MGAT4C: variants seen among roughly 807,000 people sequenced by gnomAD.
MGAT4C encodes the protein alpha-1,3-mannosyl-glycoprotein 4-beta-N-acetylglucosaminyltransferase C.
A neutral mutation model predicts 40.1 loss-of-function variants in MGAT4C; 19 were observed. The ratio of observed to expected loss-of-function variants is 0.47; its 90% CI spans 0.33 to 0.70. The LOEUF (loss-of-function observed/expected upper bound fraction) is 0.70, where lower values mean the gene tolerates loss of function less well. Ranked by LOEUF, MGAT4C falls within the 30% of genes least tolerant of loss-of-function variation. The probability of loss-of-function intolerance (pLI) is 0.02; values close to 1 mark genes in which losing one functional copy is unlikely to be tolerated. For synonymous variants in MGAT4C, 181 were observed against 187.1 expected (o/e 0.97, Z 0.27); for missense variants, 491 against 563.2 (o/e 0.87, Z 1.30).
At chr12:86,233,654 T>C (rs377678987) in intron 1 of MGAT4C, among the ~76,000 whole-genome samples, 43 of 152,306 alleles carry the variant, frequency 2.8e-4, no homozygotes, top group African/African-American at 1.0e-3. Flanking sequence ...ACTTATGGTT[T>C]TTTTTCTTTT....
chr12:86,595,292 C>A (rs545809546), intron 2 of MGAT4C, among the ~76,000 whole-genome samples: 1 of 151,970 alleles, frequency 6.6e-6, no homozygotes, highest in East Asian at 1.9e-4. Flanking sequence ...GCCTGTAATC[C>A]CAGCACTTTG....
At chr12:86,005,851 A>C (rs2136793478) in intron 2 of MGAT4C, among the ~76,000 whole-genome samples, 1 of 152,312 alleles carries the variant, frequency 6.6e-6, no homozygotes, top group South Asian at 2.1e-4. Flanking sequence ...TTTGTCTTTT[A>C]AAAGAGAATA....
chr12:86,716,379 T>C (rs1435514961), intron 2 of MGAT4C, among the ~76,000 whole-genome samples: 3 of 152,144 alleles, frequency 2.0e-5, no homozygotes, highest in Admixed American at 6.6e-5. Flanking sequence ...CCTAATATTA[T>C]CTTTTTTTAT....
chr12:86,720,819 A>T (rs758860923), intron 2 of MGAT4C, among the ~76,000 whole-genome samples: 27 of 152,354 alleles, frequency 1.8e-4, no homozygotes, highest in Admixed American at 4.6e-4. Flanking sequence ...GGCATTGTTT[A>T]TAGAAATTCA....
intron 1 of MGAT4C, among the ~76,000 whole-genome samples, chr12:86,750,290 T>A (rs979257819): frequency 3.9e-5 from 6 of 151,900 alleles, no homozygotes. Context: ...GAAAAGTCCC[T>A]ACATAGATGA....
In MGAT4C at chr12:86,309,231, T is replaced by A. The variant is rs952831933; in HGVS notation, c.-57+24834A>T. Among the ~76,000 whole-genome samples, 10 of 141,280 alleles carry A rather than the reference T, an allele frequency of 7.1e-5. 1 individual carries two copies. Among genetic ancestry groups the A allele is most frequent in the Non-Finnish European group, 1.5e-4 (10 of 67,708 alleles). 92.7% of individuals were successfully genotyped at this position (141,280 alleles called of 152,430 possible). On this transcript the variant is annotated intron_variant, in intron 4 of 7. Coordinates refer to the MGAT4C transcript ENST00000548651. ...TGTTGTGGATCTTCTGATAAATGCA[T>A]AATTGAGCAAAAACCTGGACGCAAG...
At position 86,461,236 on chromosome 12, in the gene MGAT4C, CTTTTTTTTT is replaced by C. The variant is rs1182920834; in HGVS notation, c.-228-25980_-228-25972del. Among the ~76,000 whole-genome samples the C allele has an allele frequency of 9.6e-3, 1,274 of 132,660 alleles. 24 individuals are homozygous for C. The highest frequency in any genetic ancestry group is 0.033 in the African/African-American group (1,227 of 36,718). The allele number at this position is 132,660 out of a possible 152,430, so 87.0% of individuals were successfully genotyped here. On this transcript the variant is annotated intron_variant, in intron 2 of 7. Coordinates refer to the MGAT4C transcript ENST00000548651. ...ATTTTTAACAAAATTTACACATCTT[CTTTTTTTTT>C]TTTTTTTTTTTGAGACGGAGTCTCG...
At chr12:86,550,093 A>G (rs112309383) in intron 2 of MGAT4C, among the ~76,000 whole-genome samples, 2,057 of 152,226 alleles carry the variant, frequency 0.014, 16 homozygotes, top group African/African-American at 0.02. Context: ...ATGGTTTTAT[A>G]TGGGGCTTTT....
chr12:86,580,897 C>T (rs1399639862), intron 2 of MGAT4C, among the ~76,000 whole-genome samples: 9 of 151,402 alleles, frequency 5.9e-5, no homozygotes, highest in Non-Finnish European at 1.3e-4. Flanking sequence ...AACAGATGTA[C>T]ATCAGGTCTG....
At chr12:86,541,559 T>C (rs1959167784) in intron 2 of MGAT4C, among the ~76,000 whole-genome samples, 1 of 152,134 alleles carries the variant, frequency 6.6e-6, no homozygotes, top group Non-Finnish European at 1.5e-5. Context: ...AATGGCAAAT[T>C]AAAATGCATT....
intron 2 of MGAT4C, among the ~76,000 whole-genome samples, chr12:86,693,514 T>G (rs545384453): frequency 1.3e-5 from 2 of 152,266 alleles, no homozygotes; most frequent in East Asian, 1.9e-4. Context: ...TATTCAGCTC[T>G]GATAAGTATT....
At chr12:86,686,367 T>C (rs1467434461) in intron 2 of MGAT4C, among the ~76,000 whole-genome samples, 1 of 152,168 alleles carries the variant, frequency 6.6e-6, no homozygotes, top group South Asian at 2.1e-4. Flanking sequence ...GAACTTCCAA[T>C]ACTATGTTGA....
chr12:86,205,918 T>G (rs1177822327), intron 1 of MGAT4C, among the ~76,000 whole-genome samples: 1 of 150,590 alleles, frequency 6.6e-6, no homozygotes, highest in Non-Finnish European at 1.5e-5. Context: ...TAGTCCATTT[T>G]CTTACATGTG....
intron 1 of MGAT4C, among the ~76,000 whole-genome samples, chr12:86,225,689 AAATTATAT>A (rs1430881564): frequency 6.6e-6 from 1 of 152,124 alleles, no homozygotes; most frequent in African/African-American, 2.4e-5. Context: ...TGAAGGACAA[AAATTATAT>A]AATTATCTCA....
intron 2 of MGAT4C, among the ~76,000 whole-genome samples, chr12:86,644,739 G>C (rs1349538874): frequency 6.6e-6 from 1 of 151,538 alleles, no homozygotes; most frequent in Non-Finnish European, 1.5e-5. Flanking sequence ...TATATGAATA[G>C]CATATAAAAA....
rs200305209 is a variant in MGAT4C at position 86,353,035 on chromosome 12, AT to A, written c.-119-18909del. Among the ~76,000 whole-genome samples the A allele has an allele frequency of 7.8e-3, 1,115 of 143,198 alleles. 11 individuals carry two copies. Among genetic ancestry groups the A allele is most frequent in the African/African-American group, 0.026 (1,054 of 40,454 alleles). The allele number at this position is 143,198 out of a possible 152,430, so 93.9% of individuals were successfully genotyped here. ...AGTATAATAATAATAAAATAAAAAA[AT>A]AAATAAATAAATAAATAAAATAAAT... On this transcript the variant is annotated intron_variant, in intron 3 of 7. Transcript: ENST00000548651.
At chr12:85,997,957 C>T (rs1235114228) in intron 2 of MGAT4C, among the ~76,000 whole-genome samples, 3 of 152,234 alleles carry the variant, frequency 2.0e-5, no homozygotes, top group Admixed American at 1.3e-4. Context: ...CCCACATTTC[C>T]CTTCTGCACT....
intron 2 of MGAT4C, among the ~76,000 whole-genome samples, chr12:86,577,627 A>C (rs1331767533): frequency 6.6e-6 from 1 of 151,814 alleles, no homozygotes; most frequent in African/African-American, 2.4e-5. Flanking sequence ...CGCATTCCAC[A>C]GATAAATCTC....
At chr12:86,384,428 C>A (rs1956014651) in intron 3 of MGAT4C, among the ~76,000 whole-genome samples, 1 of 152,076 alleles carries the variant, frequency 6.6e-6, no homozygotes. Context: ...TTCAGGATTT[C>A]AATATTTGGG....
Sources: gnomAD v4.1 joint callset for allele counts (sites outside exome capture counted in the v4.1 genomes callset) on GRCh38, gnomAD v4.1.1 for gene constraint, MANE v1.5 for transcripts, NCBI Gene and HGNC (gene_info 2026-07-23, HGNC 2026-07-21) for gene names.